Variants in GABBR2 observed in about 807,000 individuals in gnomAD.
The protein encoded by GABBR2 is gamma-aminobutyric acid type B receptor subunit 2, also known as G-protein coupled receptor 51.
In GABBR2, 23 loss-of-function variants were observed where a neutral mutation model predicts 105.6. That is an observed-to-expected ratio of 0.22 (90% CI 0.16 to 0.31). The LOEUF (loss-of-function observed/expected upper bound fraction) is 0.31. GABBR2 is among the 10% of genes least tolerant of loss of function. The pLI is 1.00. For missense variants in GABBR2, 734 were observed against 1,245.5 expected (o/e 0.59, Z 6.18); for synonymous variants, 478 against 499.7 (o/e 0.96, Z 0.58).
chr9:98,601,763 G>C (rs1391513535), intron 1 of GABBR2, among the ~76,000 whole-genome samples: 2 of 152,154 alleles, frequency 1.3e-5, no homozygotes, highest in African/African-American at 4.8e-5. Context: ...GCCAAGGGCT[G>C]GTCATTGTGA....
intron 14 of GABBR2, among the ~76,000 whole-genome samples, chr9:98,307,590 GCAGGGCTGGACA>G (rs1830571349): frequency 6.6e-6 from 1 of 152,216 alleles, no homozygotes; most frequent in East Asian, 1.9e-4. Context: ...TGTGGTAGAA[GCAGGGCTGGACA>G]CAAGGCCAGG....
At chr9:98,489,992 C>T (rs182174298) in intron 4 of GABBR2, among the ~76,000 whole-genome samples, 19 of 152,316 alleles carry the variant, frequency 1.2e-4, no homozygotes, top group African/African-American at 4.3e-4. Context: ...ACTCAGGAGG[C>T]TGAGGCAGGA....
At chr9:98,598,184 C>A (rs1171606520) in intron 1 of GABBR2, among the ~76,000 whole-genome samples, 1 of 152,162 alleles carries the variant, frequency 6.6e-6, no homozygotes, top group Non-Finnish European at 1.5e-5. Context: ...ACAACATCCA[C>A]CTGAAAAATT....
chr9:98,337,655 T>C (rs546297794), intron 13 of GABBR2, among the ~76,000 whole-genome samples: 2 of 152,296 alleles, frequency 1.3e-5, no homozygotes, highest in Admixed American at 1.3e-4. Flanking sequence ...TGGAATAGAA[T>C]TGAGAATCCA....
At position 98,531,680 on chromosome 9, in the gene GABBR2, T is replaced by C. The variant is rs1482276154; in HGVS notation, c.630+10193A>G. 2.0e-5 allele frequency among the ~76,000 whole-genome samples: 3 copies of C among 152,350 alleles called. No homozygotes were observed. The East Asian group carries it at 5.8e-4, about 29-fold the overall frequency. The stretch of plus-strand genomic sequence containing the variant: ...TGGGCTGCACTTCCCACAGGGAACA[T>C]TCACATGAAAGAACAAGTGTTGCTT... On this transcript the variant is annotated intron_variant, in intron 3 of 18. Transcript: ENST00000259455.
rs189492897 is a variant in GABBR2, at chr9:98,626,181, G to A, written c.322-48109C>T. Among the ~76,000 whole-genome samples, 179 of 152,302 alleles carry A rather than the reference G, an allele frequency of 1.2e-3. 3 individuals carry two copies. Among genetic ancestry groups the A allele is most frequent in the Admixed American group, 0.011 (175 of 15,298 alleles). On this transcript the variant is annotated intron_variant, in intron 1 of 18. Transcript: ENST00000259455. ...TTGTATAATTTCATTTATAGGAAAC[G>A]TCCAGAATAGGTTAATCCAAAGAGA... is the stretch of plus-strand genomic sequence containing the variant.
intron 13 of GABBR2, among the ~76,000 whole-genome samples, chr9:98,335,481 A>G (rs1163885744): frequency 6.6e-6 from 1 of 152,174 alleles, no homozygotes. Context: ...AGAGAATCTC[A>G]ACTCCGGCTG....
intron 7 of GABBR2, among the ~76,000 whole-genome samples, chr9:98,445,024 G>A (rs1407892527): frequency 6.6e-6 from 1 of 152,186 alleles, no homozygotes; most frequent in East Asian, 1.9e-4. Flanking sequence ...ATTATTTATC[G>A]GGTTGAAAAA....
intron 1 of GABBR2, among the ~76,000 whole-genome samples, chr9:98,661,968 C>A (rs1230162490): frequency 2.6e-5 from 4 of 152,126 alleles, no homozygotes; most frequent in African/African-American, 9.7e-5. Context: ...CTATTGCAAC[C>A]ACATCGCAGC....
chr9:98,391,808 G>A (rs946531768), intron 9 of GABBR2, among the ~76,000 whole-genome samples: 1 of 152,128 alleles, frequency 6.6e-6, no homozygotes, highest in Non-Finnish European at 1.5e-5. Context: ...AGGTCCCCTC[G>A]CTCTGAGCAG....
chr9:98,473,334 T>C lies in GABBR2; in HGVS notation c.811A>G (p.Asn271Asp). 1 of 1,609,502 alleles carries C rather than the reference T, an allele frequency of 6.2e-7. No homozygotes were observed. The highest frequency in any genetic ancestry group is 8.5e-7 in the Non-Finnish European group (1 of 1,176,086). ...AKVFCCAYEE[N>D]MYGSKYQWII... ...CACTGATATTTACTACCATACATGT[T>C]CTCCTCGTATGCCTGTAAAAGATGG... Residue 271 changes from asparagine (N) to aspartate (D), a missense_variant, in exon 6 of 19, where the codon AAC becomes GAC. Physicochemically the swap from Asn to Asp is conservative, Grantham distance 23. Coordinates refer to ENST00000259455, the MANE Select transcript of GABBR2 (RefSeq NM_005458.8).
In GABBR2 at chr9:98,697,416, G is replaced by T. The variant is rs562526761; in HGVS notation, c.321+11001C>A. The stretch of plus-strand genomic sequence containing the variant: ...GGAGGCAGGAGAATGGCGTGAACAC[G>T]GGAGGCGGAGTTTGCAGTGAGCGGA... On this transcript the variant is annotated intron_variant, in intron 1 of 18. Coordinates refer to ENST00000259455, the MANE Select transcript of GABBR2 (RefSeq NM_005458.8). Among the ~76,000 whole-genome samples the T allele has an allele frequency of 7.8e-4, 118 of 152,150 alleles. 1 individual carries two copies. Among genetic ancestry groups the T allele is most frequent in the African/African-American group, 2.8e-3 (116 of 41,480 alleles).
intron 1 of GABBR2, among the ~76,000 whole-genome samples, chr9:98,695,564 A>G (rs1265742611): frequency 6.6e-6 from 1 of 152,208 alleles, no homozygotes; most frequent in African/African-American, 2.4e-5. Flanking sequence ...CCCCACTGAA[A>G]TAAGAACGAG....
At chr9:98,600,184 C>T (rs987977394) in intron 1 of GABBR2, among the ~76,000 whole-genome samples, 3 of 152,144 alleles carry the variant, frequency 2.0e-5, no homozygotes, top group African/African-American at 7.2e-5. Context: ...TCAATGATTC[C>T]AGGCACATCT....
chr9:98,573,444 G>A (rs571467321), intron 2 of GABBR2, among the ~76,000 whole-genome samples: 8 of 152,126 alleles, frequency 5.3e-5, no homozygotes, highest in East Asian at 3.9e-4. Context: ...CACCACACCC[G>A]GCTAAATTTT....
At chr9:98,607,752 A>C in intron 1 of GABBR2, 1 of 777,186 alleles carries the variant, frequency 1.3e-6, no homozygotes, top group Non-Finnish European at 2.4e-6. Flanking sequence ...AGAACTACAG[A>C]AGCAGAAAAC....
chr9:98,646,399 C>A (rs1381220766), intron 1 of GABBR2, among the ~76,000 whole-genome samples: 1 of 152,116 alleles, frequency 6.6e-6, no homozygotes, highest in Non-Finnish European at 1.5e-5. Context: ...TTGAGTGTGT[C>A]CTATGTGACT....
At chr9:98,527,388 G>A (rs1279772278) in intron 3 of GABBR2, among the ~76,000 whole-genome samples, 1 of 151,976 alleles carries the variant, frequency 6.6e-6, no homozygotes, top group East Asian at 1.9e-4. Flanking sequence ...TGAAAATAAA[G>A]ATGCCATAAT....
chr9:98,491,559 T>C (rs1827175989), intron 4 of GABBR2, among the ~76,000 whole-genome samples: 1 of 152,192 alleles, frequency 6.6e-6, no homozygotes, highest in Non-Finnish European at 1.5e-5. Context: ...CAGGTTCTGT[T>C]TGCATTATGG....
Sources: gnomAD v4.1 joint callset for allele counts (sites outside exome capture counted in the v4.1 genomes callset) on GRCh38, gnomAD v4.1.1 for gene constraint, MANE v1.5 for transcripts, NCBI Gene and HGNC (gene_info 2026-07-23, HGNC 2026-07-21) for gene names.